Variants in ZDHHC21 observed in about 807,000 individuals in gnomAD.
ZDHHC21 encodes the protein zDHHC palmitoyltransferase 21.
A neutral mutation model predicts 34.6 loss-of-function variants in ZDHHC21; 15 were observed. That is an observed-to-expected ratio of 0.43 (90% CI 0.29 to 0.67). The LOEUF (loss-of-function observed/expected upper bound fraction) is 0.67. ZDHHC21 is among the 30% of genes least tolerant of loss of function. The pLI, the probability that ZDHHC21 is intolerant of heterozygous loss-of-function variation, is 0.14. For missense variants in ZDHHC21, 344 were observed against 327.7 expected, an observed-to-expected ratio of 1.05 and a Z score of -0.38; for synonymous variants, 142 against 101.8, an observed-to-expected ratio of 1.40 and a Z score of -2.38.
At chr9:14,685,372 C>T (rs551375104) in intron 2 of ZDHHC21, among the ~76,000 whole-genome samples, 1 of 151,680 alleles carries the variant, frequency 6.6e-6, no homozygotes, top group East Asian at 1.9e-4. Context: ...AAACAAACAA[C>T]CCCATCAAAA....
At chr9:14,654,489 T>G (rs537821550) in intron 7 of ZDHHC21, among the ~76,000 whole-genome samples, 1 of 151,968 alleles carries the variant, frequency 6.6e-6, no homozygotes, top group African/African-American at 2.4e-5. Flanking sequence ...AACTTAGACA[T>G]GTCAGAAGAC....
At chr9:14,681,053 A>T (rs1837287673) in intron 2 of ZDHHC21, among the ~76,000 whole-genome samples, 1 of 152,192 alleles carries the variant, frequency 6.6e-6, no homozygotes, top group African/African-American at 2.4e-5. Context: ...AAATAACAAG[A>T]ATCACTGCAT....
At chr9:14,605,176 G>A in the ZDHHC21 span, among the ~76,000 whole-genome samples, 2 of 150,752 alleles carry the variant, frequency 1.3e-5, no homozygotes, top group East Asian at 3.9e-4. Flanking sequence ...AATGGGGAGT[G>A]CAAATATCTC....
intron 1 of ZDHHC21, among the ~76,000 whole-genome samples, chr9:14,691,570 A>AT (rs1839154747): frequency 6.6e-6 from 1 of 152,208 alleles, no homozygotes. Flanking sequence ...ATATGTCTGC[A>AT]TTTTTAAATG....
chr9:14,602,471 T>C, the ZDHHC21 span, among the ~76,000 whole-genome samples: 35 of 151,674 alleles, frequency 2.3e-4, no homozygotes, highest in Admixed American at 1.3e-3. Context: ...GGCATCTAGA[T>C]AGACAAAGTG....
Position 14,640,039 on chromosome 9 carries a change from A to G in ZDHHC21, c.505-27T>C, listed in dbSNP as rs774976069. 3 of 1,452,014 alleles carry G rather than the reference A, an allele frequency of 2.1e-6. No individual in the cohort carries two copies. The East Asian group carries it at 6.8e-5, about 33-fold the overall frequency. The allele number at this position is 1,452,014 out of a possible 1,614,324, so 89.9% of individuals were successfully genotyped here. A position where few individuals can be genotyped will look rare whatever the true frequency, so the allele number is the denominator to read the frequency against. On this transcript the variant is annotated intron_variant, in intron 7 of 9. Transcript: ENST00000380916. ...TAAAAAGAAAAAGAAAGTCTTAAAA[A>G]CCATTCAGAGTTGCTTACATTGCTT...
At chr9:14,595,438 A>G in the ZDHHC21 span, among the ~76,000 whole-genome samples, 1 of 152,256 alleles carries the variant, frequency 6.6e-6, no homozygotes, top group South Asian at 2.1e-4. Flanking sequence ...GATTCCATTT[A>G]TAGTAACTGC....
At position 14,616,306 on chromosome 9, in the gene ZDHHC21, G is replaced by C. The variant is rs983741204; in HGVS notation, c.*2660C>G. The stretch of plus-strand genomic sequence containing the variant: ...AAAATAAAATACATAAAATGGCTTA[G>C]TTTATCCTAATCTGATATAAATTTG... On this transcript the variant is annotated 3_prime_UTR_variant, in exon 10 of 10. Coordinates refer to ENST00000380916, the MANE Select transcript of ZDHHC21 (RefSeq NM_178566.6). The C allele has an allele frequency of 6.6e-6, 1 of 151,688 alleles. No individual in the cohort carries two copies. Among genetic ancestry groups the C allele is most frequent in the Admixed American group, 6.6e-5 (1 of 15,174 alleles). 9.4% of individuals were successfully genotyped at this position (151,688 alleles called of 1,614,324 possible). A position where few individuals can be genotyped will look rare whatever the true frequency, so the allele number is the denominator to read the frequency against.
chr9:14,624,674 G>A (rs1057414459), intron 8 of ZDHHC21, among the ~76,000 whole-genome samples: 4 of 152,008 alleles, frequency 2.6e-5, no homozygotes, highest in East Asian at 1.9e-4. Context: ...TGGGGAAGAG[G>A]ATGGTCGATG....
chr9:14,675,190 A>C (rs1836152817), intron 3 of ZDHHC21, among the ~76,000 whole-genome samples: 2 of 151,906 alleles, frequency 1.3e-5, no homozygotes, highest in Non-Finnish European at 2.9e-5. Flanking sequence ...TGAGACACTT[A>C]AGGACTTAAA....
chr9:14,622,543 G>A (rs1054419011), intron 8 of ZDHHC21: 1 of 985,120 alleles, frequency 1.0e-6, no homozygotes, highest in African/African-American at 1.7e-5. Flanking sequence ...TAACAGACCT[G>A]AGAACCCAGT....
intron 8 of ZDHHC21, among the ~76,000 whole-genome samples, chr9:14,639,234 A>G (rs1828861795): frequency 6.6e-6 from 1 of 152,116 alleles, no homozygotes; most frequent in South Asian, 2.1e-4. Context: ...GGAGGTCATT[A>G]TGTTAAATGA....
At chr9:14,686,681 C>G (rs918997661) in intron 2 of ZDHHC21, among the ~76,000 whole-genome samples, 1 of 152,002 alleles carries the variant, frequency 6.6e-6, no homozygotes, top group African/African-American at 2.4e-5. Flanking sequence ...CACAGAATTA[C>G]AAAGTTAAAG....
the ZDHHC21 span, among the ~76,000 whole-genome samples, chr9:14,591,739 A>G: frequency 5.3e-4 from 81 of 152,242 alleles, no homozygotes; most frequent in African/African-American, 1.9e-3. Flanking sequence ...TTCACTCACA[A>G]AAATACTTCA....
At position 14,674,375 on chromosome 9, in the gene ZDHHC21, G is replaced by A. The variant is rs1835985444; in HGVS notation, c.-35C>T. ...TTATAACTGCCTGCTAACCCACAAG[G>A]AAGGATGATCCTAAGGAGAAGGAAC... On this transcript the variant is annotated 5_prime_UTR_variant, in exon 4 of 10. Transcript: ENST00000380916. 1.3e-6 allele frequency: 2 copies of A among 1,567,140 alleles called. No individual in the cohort carries two copies. Among genetic ancestry groups the A allele is most frequent in the East Asian group, 2.4e-5 (1 of 41,566 alleles).
At chr9:14,633,917 G>C (rs1269384222) in intron 8 of ZDHHC21, among the ~76,000 whole-genome samples, 3 of 152,100 alleles carry the variant, frequency 2.0e-5, no homozygotes, top group Non-Finnish European at 2.9e-5. Flanking sequence ...ATTTTGCCTT[G>C]GGCCTGGAGA....
intron 8 of ZDHHC21, among the ~76,000 whole-genome samples, chr9:14,625,681 T>C (rs762622633): frequency 3.3e-5 from 5 of 151,912 alleles, no homozygotes; most frequent in African/African-American, 4.8e-5. Flanking sequence ...AAGAAATACC[T>C]CAATTACCTC....
chr9:14,685,989 G>A (rs1490146551), intron 2 of ZDHHC21, among the ~76,000 whole-genome samples: 2 of 151,930 alleles, frequency 1.3e-5, no homozygotes, highest in East Asian at 3.9e-4. Flanking sequence ...CTCACTCATA[G>A]GTGGGAACTG....
At chr9:14,608,507 A>G (rs1217904956), downstream of ZDHHC21, among the ~76,000 whole-genome samples, 1 of 152,176 alleles carries the variant, frequency 6.6e-6, no homozygotes, top group Non-Finnish European at 1.5e-5. Flanking sequence ...AAAAAATGCA[A>G]AACACACTGC....
Sources: allele counts gnomAD v4.1 joint callset (sites outside exome capture counted in the v4.1 genomes callset), GRCh38; gene constraint gnomAD v4.1.1; transcripts MANE v1.5; gene names NCBI Gene and HGNC (gene_info 2026-07-23, HGNC 2026-07-21).